LRP1B: variants seen among roughly 807,000 people sequenced by gnomAD.
LRP1B encodes the protein low-density lipoprotein receptor-related protein 1B.
Under a neutral mutation model 556.6 loss-of-function variants are expected in LRP1B, and 217 were observed. The observed-to-expected ratio is 0.39, with a 90% CI of 0.35 to 0.44. The LOEUF (loss-of-function observed/expected upper bound fraction) is 0.44, where lower values mean the gene tolerates loss of function less well. Ranked by LOEUF, LRP1B falls within the 20% of genes least tolerant of loss-of-function variation. The probability of loss-of-function intolerance (pLI) is 1.00; values close to 1 mark genes in which losing one functional copy is unlikely to be tolerated. For synonymous variants in LRP1B, 2,047 were observed against 1,865.8 expected (o/e 1.10, Z -2.50); for missense variants, 5,053 against 5,620.8 (o/e 0.90, Z 3.23).
At chr2:140,944,376 C>G (rs12991672) in intron 20 of LRP1B, among the ~76,000 whole-genome samples, 3,606 of 152,146 alleles carry the variant, frequency 0.024, 46 homozygotes, top group Non-Finnish European at 0.031. Context: ...TGAAGCTATT[C>G]CAAAAAACTG....
chr2:140,939,950 AT>A (rs1295582962), intron 20 of LRP1B, among the ~76,000 whole-genome samples: 1 of 148,010 alleles, frequency 6.8e-6, no homozygotes, highest in Non-Finnish European at 1.5e-5. Context: ...CAGTGGTGCA[AT>A]TTCAGTTCAC....
intron 17 of LRP1B, among the ~76,000 whole-genome samples, chr2:140,985,835 A>G (rs936004364): frequency 5.9e-5 from 9 of 151,612 alleles, no homozygotes; most frequent in African/African-American, 1.9e-4. Flanking sequence ...GCTATATCAA[A>G]TCTTATTTTT....
intron 7 of LRP1B, among the ~76,000 whole-genome samples, chr2:141,155,731 T>C (rs1283606787): frequency 6.6e-6 from 1 of 152,148 alleles, no homozygotes; most frequent in Non-Finnish European, 1.5e-5. Context: ...GCCACCTTGC[T>C]GACAGAATTT....
At chr2:140,308,500 T>C (rs595789) in intron 83 of LRP1B, among the ~76,000 whole-genome samples, 67,679 of 151,500 alleles carry the variant, frequency 0.45, 15,402 homozygotes, top group African/African-American at 0.5. Context: ...TCTTTTTAAG[T>C]CAATTTTTAA....
intron 3 of LRP1B, among the ~76,000 whole-genome samples, chr2:141,305,455 AC>A (rs2105438270): frequency 6.6e-6 from 1 of 152,230 alleles, no homozygotes; most frequent in South Asian, 2.1e-4. Context: ...CTATGAATTT[AC>A]TGGATTTGTT....
chr2:141,671,818 T>C (rs2105413657), intron 2 of LRP1B, among the ~76,000 whole-genome samples: 1 of 133,782 alleles, frequency 7.5e-6, no homozygotes, highest in African/African-American at 2.5e-5. Context: ...TCTTAACCCA[T>C]CAAACTTTTT....
intron 1 of LRP1B, among the ~76,000 whole-genome samples, chr2:141,968,735 G>A (rs978460109): frequency 4.0e-5 from 6 of 151,650 alleles, no homozygotes; most frequent in Admixed American, 4.0e-4. Context: ...TGTTTTTCAC[G>A]TGTTACTATA....
rs62171599 is a variant in LRP1B at position 140,274,314 on chromosome 2, A to G, written c.13142+110T>C. ...TCATAAAAACTGCAATGGGCACAAT[A>G]CGGAATTTTAGAATAAAAACAATCT... On this transcript the variant is annotated intron_variant, in intron 85 of 90. Transcript: ENST00000389484. The G allele has an allele frequency of 3.9e-3, 3,753 of 971,028 alleles. 16 individuals are homozygous for G. Among genetic ancestry groups the G allele is most frequent in the Non-Finnish European group, 4.9e-3 (3,090 of 635,220 alleles). The allele number at this position is 971,028 out of a possible 1,614,324, so 60.2% of individuals were successfully genotyped here. A position where few individuals can be genotyped will look rare whatever the true frequency, so the allele number is the denominator to read the frequency against.
chr2:140,655,074 T>A (rs1054121184), intron 41 of LRP1B, among the ~76,000 whole-genome samples: 2 of 149,384 alleles, frequency 1.3e-5, no homozygotes, highest in Non-Finnish European at 3.0e-5. Context: ...AATTGGAATA[T>A]ATGTGGCCTA....
At chr2:140,568,664 G>A (rs1681213508) in intron 43 of LRP1B, among the ~76,000 whole-genome samples, 1 of 152,028 alleles carries the variant, frequency 6.6e-6, no homozygotes. Context: ...ACTCAAAAAA[G>A]TTCCTTTCTG....
intron 21 of LRP1B, among the ~76,000 whole-genome samples, chr2:140,921,216 A>G (rs919209294): frequency 6.6e-5 from 10 of 151,898 alleles, no homozygotes; most frequent in African/African-American, 2.4e-4. Context: ...TTATTTCTGT[A>G]TAGAGAAATT....
intron 2 of LRP1B, among the ~76,000 whole-genome samples, chr2:141,761,945 A>C (rs1694567988): frequency 6.6e-6 from 1 of 152,192 alleles, no homozygotes; most frequent in Non-Finnish European, 1.5e-5. Flanking sequence ...CATGGTACAC[A>C]GACTGGAAAT....
At chr2:140,430,861 C>A (rs547710773) in intron 66 of LRP1B, among the ~76,000 whole-genome samples, 1 of 152,280 alleles carries the variant, frequency 6.6e-6, no homozygotes, top group Admixed American at 6.5e-5. Context: ...TTGTTCAGGT[C>A]TTCTCCCTTT....
At chr2:141,334,332 A>G (rs1257815661) in intron 3 of LRP1B, among the ~76,000 whole-genome samples, 1 of 152,118 alleles carries the variant, frequency 6.6e-6, no homozygotes, top group Non-Finnish European at 1.5e-5. Context: ...GGTTGTATAC[A>G]CCTGTGTGGC....
chr2:141,170,134 C>T (rs1680437899), intron 7 of LRP1B, among the ~76,000 whole-genome samples: 1 of 152,098 alleles, frequency 6.6e-6, no homozygotes, highest in South Asian at 2.1e-4. Flanking sequence ...ACATAAGTCA[C>T]TTTTTAATAG....
chr2:140,860,170 A>G (rs973411133), intron 27 of LRP1B, among the ~76,000 whole-genome samples: 3 of 152,176 alleles, frequency 2.0e-5, no homozygotes, highest in African/African-American at 7.2e-5. Context: ...CAACCTCTCT[A>G]TGTGAAGCAA....
chr2:141,067,751 G>A (rs1208097043), intron 7 of LRP1B, among the ~76,000 whole-genome samples: 1 of 152,024 alleles, frequency 6.6e-6, no homozygotes, highest in African/African-American at 2.4e-5. Flanking sequence ...ATCATAGACT[G>A]AGAGGAGTCA....
intron 31 of LRP1B, among the ~76,000 whole-genome samples, chr2:140,820,490 C>T (rs2105052829): frequency 6.6e-6 from 1 of 152,248 alleles, no homozygotes; most frequent in Non-Finnish European, 1.5e-5. Flanking sequence ...ACTCATTTTG[C>T]CTCAGACAGT....
intron 2 of LRP1B, among the ~76,000 whole-genome samples, chr2:141,695,506 C>T (rs1691705931): frequency 6.6e-6 from 1 of 151,932 alleles, no homozygotes. Flanking sequence ...GTTATCCCCA[C>T]TTTGAAGATG....
Sources: gnomAD v4.1 joint callset for allele counts (sites outside exome capture counted in the v4.1 genomes callset) on GRCh38, gnomAD v4.1.1 for gene constraint, MANE v1.5 for transcripts, NCBI Gene and HGNC (gene_info 2026-07-23, HGNC 2026-07-21) for gene names.